The following CATSPERG variants were observed in gnomAD, a reference collection of about 807,000 sequenced individuals.
The protein encoded by CATSPERG is cation channel sperm-associated auxiliary subunit gamma.
CATSPERG carries 115 observed loss-of-function variants against 145.0 expected under a neutral mutation model. The observed-to-expected ratio is 0.79, with a 90% confidence interval of 0.68 to 0.93. The LOEUF (loss-of-function observed/expected upper bound fraction) is 0.93, where lower values mean the gene tolerates loss of function less well. Among genes scored for constraint, CATSPERG ranks in the 40% least tolerant of loss-of-function variants. The probability of loss-of-function intolerance (pLI) is 0.00; values close to 1 mark genes in which losing one functional copy is unlikely to be tolerated. For missense variants in CATSPERG, 1,296 were observed against 1,490.1 expected (o/e 0.87, Z 2.14); for synonymous variants, 588 against 589.0 (o/e 1.00, Z 0.02).
Position 38,344,210 on chromosome 19 carries a change from G to C in CATSPERG, c.597-86G>C, listed in dbSNP as rs1424451698. The C allele has an allele frequency of 7.1e-6, 11 of 1,540,934 alleles. No homozygotes were observed. In the East Asian group the frequency reaches 1.7e-4, roughly 24 times the overall value. ...AGGAGCCAGTGGGAGATCCAAGGGA[G>C]AGAATGGGGAGAGGAGAGGCAGCTA... On this transcript the variant is annotated intron_variant, in intron 5 of 28. Coordinates refer to ENST00000409235, the MANE Select transcript of CATSPERG (RefSeq NM_021185.5).
rs560189256 is a variant in CATSPERG, at chr19:38,368,433, C to T, written c.3020+296C>T. Among the ~76,000 whole-genome samples the T allele has an allele frequency of 1.6e-4, 25 of 152,346 alleles. No homozygotes were observed. The East Asian group carries it at 4.6e-3, about 28-fold the overall frequency. ...CCTCTTGGGGCTCTCCCATCCTGGC[C>T]CTGAGCCCCCTACCTGTGCGTCCCC... On this transcript the variant is annotated intron_variant, in intron 26 of 28. Transcript: ENST00000409235.
Position 38,367,777 on chromosome 19 carries a change from G to A in CATSPERG, c.2930+1G>A. The A allele has an allele frequency of 1.9e-6, 3 of 1,613,616 alleles. No homozygotes were observed. Among genetic ancestry groups the A allele is most frequent in the East Asian group, 2.2e-5 (1 of 44,878 alleles). On this transcript the variant is annotated splice_donor_variant, in intron 25 of 28. Coordinates refer to ENST00000409235, the MANE Select transcript of CATSPERG (RefSeq NM_021185.5). LOFTEE classifies it high-confidence loss of function. ...ACCGCTTCAACAGCCCCCTGGACAA[G>A]TAATCCCCGTGGGGTCCCACGTGTA...
rs766389223 is a variant in CATSPERG at position 38,361,672 on chromosome 19, C to G, written c.1905C>G (p.Ile635Met). Residue 635 changes from isoleucine (I) to methionine (M), a missense_variant, in exon 17 of 29, where the codon ATC (isoleucine) becomes ATG (methionine). By Grantham distance (10) the Ile-to-Met change is conservative. Coordinates refer to ENST00000409235, the MANE Select transcript of CATSPERG (RefSeq NM_021185.5). ...RKGGYLMLSF[I>M]DFCPFSVMRL... ...GGGGCTACTTGATGCTCTCCTTCAT[C>G]GACTTCTGCCCCTTCTCGGTGATGC... 1.2e-6 allele frequency: 2 copies of G among 1,611,326 alleles called. No individual in the cohort carries two copies. Among genetic ancestry groups the G allele is most frequent in the South Asian group, 1.1e-5 (1 of 90,952 alleles).
chr19:38,367,692 TGGTGGTG>T lies in CATSPERG; in HGVS notation c.2852_2858del (p.Val951AlafsTer83). 1 of 1,614,142 alleles carries T rather than the reference TGGTGGTG, an allele frequency of 6.2e-7. No individual in the cohort carries two copies. Among genetic ancestry groups the T allele is most frequent in the Non-Finnish European group, 8.5e-7 (1 of 1,180,012 alleles). On this transcript the variant is annotated frameshift_variant, in exon 25 of 29. Coordinates refer to ENST00000409235, the MANE Select transcript of CATSPERG (RefSeq NM_021185.5). LOFTEE classifies it high-confidence loss of function. Reference sequence around the variant, plus strand: ...TCTGTCCCTGGTAGCTATGTTCTGCTGGTGGTGGGTGGCGGGCCCACACTGGACAGCC... The same window carrying T: ...TCTGTCCCTGGTAGCTATGTTCTGCTGGTGGCGGGCCCACACTGGACAGCC...
chr19:38,363,960 G>A (rs903759143), intron 20 of CATSPERG, among the ~76,000 whole-genome samples: 7 of 152,216 alleles, frequency 4.6e-5, no homozygotes, highest in Admixed American at 1.3e-4. Context: ...ATCATGGCCC[G>A]TTCTCAATGA....
chr19:38,367,705 C>T lies in CATSPERG; in HGVS notation c.2859C>T (p.Gly953=), dbSNP rs145606279. ...QGSYVLLVVG[G]GPTLDSLKDY... is the part of the protein sequence containing the mutation. The stretch of plus-strand genomic sequence containing the variant: ...GCTATGTTCTGCTGGTGGTGGGTGG[C>T]GGGCCCACACTGGACAGCCTCAAGG... The change falls in exon 25 of 29, where the codon GGC becomes GGT. Residue 953 remains glycine, a synonymous_variant. Coordinates refer to ENST00000409235, the MANE Select transcript of CATSPERG (RefSeq NM_021185.5). 7.2e-4 allele frequency: 1,166 copies of T among 1,614,088 alleles called. 3 individuals carry two copies. Among genetic ancestry groups the T allele is most frequent in the Non-Finnish European group, 9.1e-4 (1,069 of 1,179,990 alleles).
chr19:38,359,055 G>A (rs1354703612), intron 13 of CATSPERG, among the ~76,000 whole-genome samples: 1 of 151,960 alleles, frequency 6.6e-6, no homozygotes, highest in Non-Finnish European at 1.5e-5. Flanking sequence ...TCACCATGTT[G>A]GGCAGGCTGG....
At position 38,344,845 on chromosome 19, in the gene CATSPERG, G is replaced by A. The variant is rs115570712; in HGVS notation, c.669+477G>A. ...TACATACATATATATGTATATACCT[G>A]TACATGAACAGACACACACACACAC... On this transcript the variant is annotated intron_variant, in intron 6 of 28. Coordinates refer to ENST00000409235, the MANE Select transcript of CATSPERG (RefSeq NM_021185.5). Among the ~76,000 whole-genome samples, 84 of 114,626 alleles carry A rather than the reference G, an allele frequency of 7.3e-4. 2 individuals are homozygous for A. Among genetic ancestry groups the A allele is most frequent in the African/African-American group, 2.6e-3 (77 of 29,994 alleles). The allele number at this position is 114,626 out of a possible 152,430, so 75.2% of individuals were successfully genotyped here.
intron 3 of CATSPERG, 140 bp from the exon 4 acceptor site, chr19:38,343,440 C>T: frequency 1.3e-6 from 1 of 771,940 alleles, no homozygotes; most frequent in Admixed American, 3.0e-5. Context: ...CAAACCTAGA[C>T]CATGTCCTCT....
At chr19:38,370,476 T>A (rs749909426) in intron 28 of CATSPERG, 50 bp from the exon 29 acceptor site, 2 of 1,610,630 alleles carry the variant, frequency 1.2e-6, no homozygotes, top group African/African-American at 2.7e-5. Flanking sequence ...GATTGTGGAC[T>A]GTGTACCTTA....
At chr19:38,344,489 T>A in intron 6 of CATSPERG, 121 bp downstream of exon 6, 1 of 813,150 alleles carries the variant, frequency 1.2e-6, no homozygotes, top group Middle Eastern at 3.0e-4. Context: ...AGGCCCCACA[T>A]GAAGATCCCA....
At chr19:38,336,629 G>A in intron 1 of CATSPERG, 1 of 243,698 alleles carries the variant, frequency 4.1e-6, no homozygotes, top group South Asian at 4.2e-5. Flanking sequence ...GCGATACCAA[G>A]AGAAGTGCGA....
chr19:38,350,906 T>C (rs1407361816), intron 7 of CATSPERG, among the ~76,000 whole-genome samples: 2 of 152,100 alleles, frequency 1.3e-5, no homozygotes, highest in Non-Finnish European at 2.9e-5. Context: ...AGATAATCGC[T>C]GGAACCCGGG....
intron 8 of CATSPERG, among the ~76,000 whole-genome samples, chr19:38,352,952 C>T (rs966291033): frequency 6.8e-6 from 1 of 147,704 alleles, no homozygotes. Context: ...CGCATGAGCC[C>T]AGGGGTTTGA....
At position 38,363,628 on chromosome 19, in the gene CATSPERG, T is replaced by A. The variant is rs567309853; in HGVS notation, c.2475+796T>A. Among the ~76,000 whole-genome samples, 11 of 151,982 alleles carry A rather than the reference T, an allele frequency of 7.2e-5. No individual in the cohort carries two copies. The South Asian group carries it at 2.1e-3, about 29-fold the overall frequency. ...ACCCTGGGGCCTTCCGCAGTGTTTG[T>A]GTCCCTGGGTACTTGAGATTAGGGA... On this transcript the variant is annotated intron_variant, in intron 20 of 28. Coordinates refer to ENST00000409235, the MANE Select transcript of CATSPERG (RefSeq NM_021185.5).
rs1970366288 is a variant in CATSPERG at position 38,362,440 on chromosome 19, G to C, written c.2222G>C (p.Ser741Thr). The C allele has an allele frequency of 1.2e-6, 2 of 1,613,950 alleles. No individual in the cohort carries two copies. The highest frequency in any genetic ancestry group is 8.5e-7 in the Non-Finnish European group (1 of 1,180,028). The change falls in exon 19 of 29, where the codon AGC (serine) becomes ACC (threonine). Residue 741 changes from serine (S) to threonine (T), a missense_variant. Coordinates refer to ENST00000409235, the MANE Select transcript of CATSPERG (RefSeq NM_021185.5). ...GGCGGCGTGTCCATAGAAATGGACA[G>C]CTACGAAAAGATCTACAACCTCGAG... The part of the protein sequence containing the change: ...SAGGVSIEMD[S>T]YEKIYNLESA...
intron 24 of CATSPERG, 26 bp downstream of exon 24, chr19:38,367,598 A>G (rs747524335): frequency 4.3e-6 from 7 of 1,613,302 alleles, no homozygotes; most frequent in Non-Finnish European, 5.9e-6. Flanking sequence ...GCTTGCAGCT[A>G]GGGCAGGTGG....
Position 38,362,711 on chromosome 19 carries a change from C to T in CATSPERG, c.2357-3C>T. On this transcript the variant is annotated splice_polypyrimidine_tract_variant and splice_region_variant and intron_variant, in intron 19 of 28. Coordinates refer to ENST00000409235, the MANE Select transcript of CATSPERG (RefSeq NM_021185.5). The stretch of plus-strand genomic sequence containing the variant: ...CCTTAACCCCGTTTACTGCCCGGAG[C>T]AGGCACCGCCTTCCAGCTGCATAGC... 1 of 1,613,910 alleles carries T rather than the reference C, an allele frequency of 6.2e-7. No homozygotes were observed. The highest frequency in any genetic ancestry group is 8.5e-7 in the Non-Finnish European group (1 of 1,179,848).
At chr19:38,358,122 G>A in intron 11 of CATSPERG, 156 bp from the exon 12 acceptor site, 1 of 670,866 alleles carries the variant, frequency 1.5e-6, no homozygotes, top group East Asian at 2.7e-5. Context: ...TCTCAGGGGG[G>A]AAATAAAAGA....
Sources: allele counts gnomAD v4.1 joint callset (sites outside exome capture counted in the v4.1 genomes callset), GRCh38; gene constraint gnomAD v4.1.1; transcripts MANE v1.5; gene names NCBI Gene and HGNC (gene_info 2026-07-23, HGNC 2026-07-21).